The following BLTP1 variants were observed in gnomAD, a reference collection of about 807,000 sequenced individuals.
BLTP1 encodes fragile site-associated protein.
chr4:122,238,601 C>T, the BLTP1 span, among the ~76,000 whole-genome samples: 1 of 152,256 alleles, frequency 6.6e-6, no homozygotes, highest in Non-Finnish European at 1.5e-5. Context: ...CATCCCACCA[C>T]TCAGAGTGAA....
At chr4:122,206,057 G>A in the BLTP1 span, 5 of 982,256 alleles carry the variant, frequency 5.1e-6, no homozygotes, top group East Asian at 1.1e-4. Context: ...GTACCAAAGG[G>A]TAAACAGACA....
At chr4:122,235,315 A>G in the BLTP1 span, 1 of 979,056 alleles carries the variant, frequency 1.0e-6, no homozygotes, top group East Asian at 1.1e-4. Flanking sequence ...ATTTTCCTGT[A>G]GCACAGCATC....
chr4:122,197,502 G>A, the BLTP1 span: 11 of 823,396 alleles, frequency 1.3e-5, no homozygotes, highest in Non-Finnish European at 1.6e-5. Flanking sequence ...TTATTATAAC[G>A]TATACATTTC....
chr4:122,330,340 A>G, the BLTP1 span, among the ~76,000 whole-genome samples: 4 of 151,834 alleles, frequency 2.6e-5, no homozygotes, highest in Non-Finnish European at 5.9e-5. Flanking sequence ...TTGCATTCCT[A>G]CCAAAATATG....
the BLTP1 span, chr4:122,293,111 A>C: frequency 2.1e-6 from 2 of 958,624 alleles, no homozygotes; most frequent in Non-Finnish European, 2.5e-6. Context: ...AGCTTAATCA[A>C]GTATAGAGGA....
chr4:122,267,101 C>T, the BLTP1 span: 1 of 372,616 alleles, frequency 2.7e-6, no homozygotes. Context: ...CTCTGTCGCC[C>T]AGGCTGGAGT....
the BLTP1 span, chr4:122,339,157 CTT>C: frequency 2.3e-4 from 358 of 1,554,730 alleles, 1 homozygote; most frequent in African/African-American, 4.7e-3. Context: ...CTATTTAAAA[CTT>C]TTCTTTTATC....
chr4:122,180,434 G>A, the BLTP1 span, among the ~76,000 whole-genome samples: 29 of 152,250 alleles, frequency 1.9e-4, no homozygotes, highest in East Asian at 5.6e-3. Context: ...AGGCAGCTCA[G>A]CTCTATTGCA....
chr4:122,185,355 G>A, the BLTP1 span: 1 of 983,060 alleles, frequency 1.0e-6, no homozygotes, highest in Non-Finnish European at 1.2e-6. Context: ...CTTTCATTTG[G>A]TAACAAAAGA....
chr4:122,206,800 T>A, the BLTP1 span, among the ~76,000 whole-genome samples: 1 of 151,702 alleles, frequency 6.6e-6, no homozygotes, highest in East Asian at 1.9e-4. Context: ...GAAGAAACTG[T>A]ATCCACAATG....
chr4:122,254,696 A>C, the BLTP1 span: 2 of 1,248,562 alleles, frequency 1.6e-6, no homozygotes, highest in East Asian at 5.7e-5. Flanking sequence ...AAAGAAAAGA[A>C]ATTAATTTTG....
the BLTP1 span, chr4:122,359,953 T>A: frequency 1.0e-6 from 1 of 985,272 alleles, no homozygotes; most frequent in African/African-American, 1.7e-5. Context: ...AGTTGTCCAA[T>A]GGGTGACATT....
the BLTP1 span, chr4:122,307,315 T>G: frequency 4.4e-6 from 1 of 228,626 alleles, no homozygotes; most frequent in Non-Finnish European, 7.2e-6. Flanking sequence ...TGTGGAATTT[T>G]CCACTTGTAG....
chr4:122,244,765 T>C, the BLTP1 span: 1 of 482,046 alleles, frequency 2.1e-6, no homozygotes, highest in African/African-American at 2.1e-5. Flanking sequence ...GAAATCTTCT[T>C]CAGAAGTTTG....
chr4:122,187,464 A>T, the BLTP1 span: 1 of 1,612,180 alleles, frequency 6.2e-7, no homozygotes, highest in African/African-American at 1.3e-5. Flanking sequence ...AAGACCCCAC[A>T]TCTTCATGGA....
chr4:122,239,408 TGTAAA>T, the BLTP1 span: 9 of 927,526 alleles, frequency 9.7e-6, no homozygotes, highest in Admixed American at 3.0e-5. Context: ...TTCTTTTACT[TGTAAA>T]GTACATGATT....
chr4:122,316,571 C>A, the BLTP1 span: 2 of 932,226 alleles, frequency 2.1e-6, no homozygotes, highest in Non-Finnish European at 3.3e-6. Flanking sequence ...TAAATAGATT[C>A]CTTATGAAAT....
chr4:122,164,759 A>ATT, the BLTP1 span, among the ~76,000 whole-genome samples: 8 of 146,024 alleles, frequency 5.5e-5, no homozygotes, highest in African/African-American at 1.0e-4. Flanking sequence ...CATTTATTTT[A>ATT]TTTTTTTTTT....
the BLTP1 span, among the ~76,000 whole-genome samples, chr4:122,156,768 A>T: frequency 6.6e-6 from 1 of 152,216 alleles, no homozygotes; most frequent in African/African-American, 2.4e-5. Context: ...AAATCTGAAG[A>T]TAAAGGAATG....
Sources: allele counts gnomAD v4.1 joint callset (sites outside exome capture counted in the v4.1 genomes callset), GRCh38; gene constraint gnomAD v4.1.1; transcripts MANE v1.5; gene names NCBI Gene and HGNC (gene_info 2026-07-23, HGNC 2026-07-21).